Variants in RELN observed in about 807,000 individuals in gnomAD.
RELN encodes reelin.
RELN carries 108 observed loss-of-function variants against 427.6 expected under a neutral mutation model. The observed-to-expected ratio is 0.25, with a 90% confidence interval of 0.22 to 0.30. The LOEUF is 0.30. Ranked by LOEUF, RELN falls within the 10% of genes least tolerant of loss-of-function variation. RELN has a pLI of 1.00. For missense variants in RELN, 3,715 were observed against 4,302.8 expected (o/e 0.86, Z 3.82); for synonymous variants, 1,524 against 1,513.4 (o/e 1.01, Z -0.16).
Position 103,575,580 on chromosome 7 carries a change from G to A in RELN, c.4271C>T (p.Ser1424Leu). Residue 1424 changes from serine (S) to leucine (L), a missense_variant, in exon 29 of 65, where the codon TCA becomes TTA. By Grantham distance (145) the Ser-to-Leu change is moderately radical. This residue lies in a region of RELN where 2,208 missense variants were observed against 2,361.7 expected (regional missense o/e 0.93). Coordinates refer to ENST00000428762, the MANE Select transcript of RELN (RefSeq NM_005045.4). The stretch of plus-strand genomic sequence containing the variant: ...TCCCAGGTCACAGAAACACACTCCT[G>A]AAATGCAGTCCCCATGGCCACTGCA... ...SYCSGHGDCI[S>L]GVCFCDLGYT... 6.2e-7 allele frequency: 1 copy of A among 1,614,132 alleles called. No homozygotes were observed. The highest frequency in any genetic ancestry group is 8.5e-7 in the Non-Finnish European group (1 of 1,179,992).
chr7:103,781,179 C>A (rs1264037637), intron 3 of RELN, among the ~76,000 whole-genome samples: 1 of 152,142 alleles, frequency 6.6e-6, no homozygotes, highest in East Asian at 1.9e-4. Flanking sequence ...CACAGGCTCC[C>A]TTGCTTTATC....
At chr7:103,847,271 A>G (rs1171232564) in intron 2 of RELN, among the ~76,000 whole-genome samples, 1 of 152,196 alleles carries the variant, frequency 6.6e-6, no homozygotes, top group Non-Finnish European at 1.5e-5. Context: ...TTGCAGGGAC[A>G]TGGATGAAGC....
chr7:103,696,464 GAT>G (rs1442878688), intron 10 of RELN, among the ~76,000 whole-genome samples: 1 of 152,102 alleles, frequency 6.6e-6, no homozygotes, highest in African/African-American at 2.4e-5. Flanking sequence ...AATCAAAATT[GAT>G]ATGTCCAAAG....
chr7:103,585,917 A>G (rs1831259423), intron 28 of RELN, among the ~76,000 whole-genome samples: 1 of 152,224 alleles, frequency 6.6e-6, no homozygotes, highest in African/African-American at 2.4e-5. Context: ...AAGTCAGTAA[A>G]TGTCATTCAC....
At chr7:103,841,923 G>C (rs1412460709) in intron 2 of RELN, among the ~76,000 whole-genome samples, 1 of 152,006 alleles carries the variant, frequency 6.6e-6, no homozygotes, top group Non-Finnish European at 1.5e-5. Flanking sequence ...ACAAGCCTTG[G>C]TCTATTTTTC....
intron 2 of RELN, among the ~76,000 whole-genome samples, chr7:103,871,540 G>A (rs1794333958): frequency 6.6e-6 from 1 of 152,080 alleles, no homozygotes; most frequent in South Asian, 2.1e-4. Flanking sequence ...TAGTTTCAGA[G>A]GAAGCATGAC....
intron 44 of RELN, 70 bp from the exon 45 acceptor site, chr7:103,539,397 C>CGTTTGTTT (rs150252511): frequency 2.0e-6 from 3 of 1,500,896 alleles, no homozygotes; most frequent in East Asian, 2.4e-5. Context: ...CTGCCTTTTT[C>CGTTTGTTT]GTTTGTTTGT....
intron 45 of RELN, among the ~76,000 whole-genome samples, chr7:103,536,310 CT>C (rs1453875146): frequency 1.3e-5 from 2 of 152,266 alleles, no homozygotes; most frequent in South Asian, 2.1e-4. Flanking sequence ...CCCATACCCC[CT>C]GTCTTTTATT....
At chr7:103,710,441 C>T (rs1293357798) in intron 8 of RELN, among the ~76,000 whole-genome samples, 1 of 152,192 alleles carries the variant, frequency 6.6e-6, no homozygotes, top group African/African-American at 2.4e-5. Context: ...AACTCCTACA[C>T]CCACAGTGCT....
chr7:103,703,040 A>C (rs963210948), intron 8 of RELN, among the ~76,000 whole-genome samples: 4 of 152,188 alleles, frequency 2.6e-5, no homozygotes, highest in Non-Finnish European at 5.9e-5. Flanking sequence ...CAAAAAGGCA[A>C]GGGGATTCCA....
intron 1 of RELN, among the ~76,000 whole-genome samples, chr7:103,922,112 G>C (rs1358631661): frequency 6.6e-6 from 1 of 152,084 alleles, no homozygotes; most frequent in Non-Finnish European, 1.5e-5. Context: ...GTGTAATGTA[G>C]CCAGTGTAAC....
At chr7:103,816,934 C>A (rs946279078) in intron 3 of RELN, among the ~76,000 whole-genome samples, 4 of 152,116 alleles carry the variant, frequency 2.6e-5, no homozygotes, top group African/African-American at 7.2e-5. Flanking sequence ...TCACTGCAAC[C>A]TCCACCTCCC....
intron 2 of RELN, among the ~76,000 whole-genome samples, chr7:103,871,722 G>A (rs1415659060): frequency 2.0e-5 from 3 of 152,168 alleles, no homozygotes; most frequent in East Asian, 1.9e-4. Context: ...AAAGTATGAA[G>A]AGAATACGAT....
chr7:103,716,333 C>T (rs1357062365), intron 8 of RELN, among the ~76,000 whole-genome samples: 1 of 152,184 alleles, frequency 6.6e-6, no homozygotes, highest in Non-Finnish European at 1.5e-5. Flanking sequence ...ACTCTCTCCC[C>T]ACCTCCTCCC....
intron 28 of RELN, among the ~76,000 whole-genome samples, chr7:103,582,320 G>T (rs1831170855): frequency 1.3e-5 from 2 of 152,180 alleles, no homozygotes; most frequent in South Asian, 4.1e-4. Context: ...TAGTAGCTGG[G>T]TCTGTATCCT....
intron 2 of RELN, among the ~76,000 whole-genome samples, chr7:103,911,881 C>T (rs1252572683): frequency 1.4e-5 from 2 of 144,734 alleles, no homozygotes; most frequent in South Asian, 2.4e-4. Flanking sequence ...GGAGAGATAG[C>T]ATTGGGAGAT....
At position 103,540,927 on chromosome 7, in the gene RELN, G is replaced by A. The variant is rs186747394; in HGVS notation, c.6672-472C>T. 4.6e-5 allele frequency among the ~76,000 whole-genome samples: 7 copies of A among 152,318 alleles called. 1 individual carries two copies. The highest frequency in any genetic ancestry group is 2.6e-4 in the Admixed American group (4 of 15,302). On this transcript the variant is annotated intron_variant, in intron 43 of 64. Transcript: ENST00000428762. The stretch of plus-strand genomic sequence containing the variant: ...TATTTCTTCTAAGGTTTCACCAGTC[G>A]TTTTTCAGATCTCATATTATTGGCT...
chr7:103,907,634 A>T (rs1795243037), intron 2 of RELN, among the ~76,000 whole-genome samples: 1 of 151,750 alleles, frequency 6.6e-6, no homozygotes, highest in South Asian at 2.1e-4. Flanking sequence ...TAGTGGTGTT[A>T]GTTGTACAAT....
At chr7:103,843,329 T>C (rs964367302) in intron 2 of RELN, among the ~76,000 whole-genome samples, 12 of 152,120 alleles carry the variant, frequency 7.9e-5, no homozygotes, top group Middle Eastern at 6.8e-3. Flanking sequence ...CTCAGCCTCC[T>C]GAGTAGCTGG....
Sources: allele counts gnomAD v4.1 joint callset (sites outside exome capture counted in the v4.1 genomes callset), GRCh38; gene constraint gnomAD v4.1.1; regional missense constraint gnomAD v4.1.1; transcripts MANE v1.5; gene names NCBI Gene and HGNC (gene_info 2026-07-23, HGNC 2026-07-21).